TMEM182: variants seen among roughly 807,000 people sequenced by gnomAD.
The protein encoded by TMEM182 is transmembrane protein 182.
TMEM182 carries 20 observed loss-of-function variants against 26.8 expected under a neutral mutation model. The ratio of observed to expected loss-of-function variants is 0.75; its 90% CI spans 0.53 to 1.09. The LOEUF (loss-of-function observed/expected upper bound fraction) is 1.09. Among genes scored for constraint, TMEM182 ranks in the 50% least tolerant of loss-of-function variants. TMEM182 has a pLI of 0.00. For missense variants in TMEM182, 277 were observed against 275.5 expected (o/e 1.01, Z -0.04); for synonymous variants, 109 against 102.2 (o/e 1.07, Z -0.40).
intron 1 of TMEM182, among the ~76,000 whole-genome samples, chr2:102,743,929 A>G (rs768608760): frequency 6.6e-6 from 1 of 152,222 alleles, no homozygotes. Context: ...CTTATTGTGT[A>G]TGAACCTAAC....
At chr2:102,799,729 T>C (rs1682033483) in intron 4 of TMEM182, among the ~76,000 whole-genome samples, 2 of 152,174 alleles carry the variant, frequency 1.3e-5, no homozygotes, top group South Asian at 4.1e-4. Context: ...ACAAGGTAGG[T>C]CCGGTCAATT....
At chr2:102,773,187 G>A (rs1196937357) in intron 3 of TMEM182, among the ~76,000 whole-genome samples, 1 of 151,970 alleles carries the variant, frequency 6.6e-6, no homozygotes, top group Non-Finnish European at 1.5e-5. Flanking sequence ...TTTAGGTTCT[G>A]GGGAACAGTA....
At chr2:102,841,071 A>G (rs1181746263) in intron 3 of TMEM182, among the ~76,000 whole-genome samples, 4 of 152,094 alleles carry the variant, frequency 2.6e-5, no homozygotes, top group African/African-American at 9.7e-5. Context: ...TGGGGAAACA[A>G]ATAGTGGCAT....
intron 4 of TMEM182, among the ~76,000 whole-genome samples, chr2:102,812,000 A>G (rs1281441733): frequency 6.6e-6 from 1 of 152,214 alleles, no homozygotes; most frequent in Non-Finnish European, 1.5e-5. Flanking sequence ...ATATCTAGGT[A>G]TATATACACA....
chr2:102,839,446 G>GATAT (rs1683306160), intron 3 of TMEM182, among the ~76,000 whole-genome samples: 1 of 26,286 alleles, frequency 3.8e-5, no homozygotes, highest in Non-Finnish European at 8.3e-5. Context: ...GTGATGTTTT[G>GATAT]CTATATATAT....
chr2:102,812,389 A>ACAC (rs1465241432), intron 4 of TMEM182, among the ~76,000 whole-genome samples: 149 of 19,628 alleles, frequency 7.6e-3, no homozygotes, highest in African/African-American at 0.014. Context: ...ACATGTACAC[A>ACAC]CACACACACA....
At chr2:102,779,885 C>T (rs1194143474) in intron 3 of TMEM182, among the ~76,000 whole-genome samples, 2 of 151,970 alleles carry the variant, frequency 1.3e-5, no homozygotes, top group African/African-American at 4.8e-5. Flanking sequence ...TGCCTGTAAT[C>T]CCAGCTACTC....
chr2:102,829,964 T>G (rs2104774409), intron 3 of TMEM182, among the ~76,000 whole-genome samples: 1 of 152,314 alleles, frequency 6.6e-6, no homozygotes, highest in African/African-American at 2.4e-5. Context: ...ACTGTTCATA[T>G]TACCGGTAAG....
intron 4 of TMEM182, among the ~76,000 whole-genome samples, chr2:102,813,186 C>T (rs1002806698): frequency 2.0e-5 from 3 of 152,082 alleles, no homozygotes; most frequent in East Asian, 1.9e-4. Context: ...GTTTAAACTC[C>T]GATACTGACA....
chr2:102,762,035 C>T lies in TMEM182; in HGVS notation c.-183C>T, dbSNP rs1245709910. 3.5e-5 allele frequency: 18 copies of T among 512,534 alleles called. No individual in the cohort carries two copies. Among genetic ancestry groups the T allele is most frequent in the Non-Finnish European group, 1.4e-5 (4 of 290,384 alleles). 31.7% of individuals were successfully genotyped at this position (512,534 alleles called of 1,614,324 possible). ...AGGGGCGAGCAAAGGGAATATGAAT[C>T]TGCCGGTGGGGCGTGAGCGAGAAGC... On this transcript the variant is annotated 5_prime_UTR_variant, in exon 1 of 5. Transcript: ENST00000412401.
rs190287589 is a variant in TMEM182, at chr2:102,796,270, T to G, written c.332-1593T>G. On this transcript the variant is annotated intron_variant, in intron 3 of 4. Transcript: ENST00000412401. The stretch of plus-strand genomic sequence containing the variant: ...CTTGATCTCTGTTAAGACTTGACTT[T>G]CCTTCTCACTCCACTTGCTATTATT... Among the ~76,000 whole-genome samples the G allele has an allele frequency of 1.9e-3, 295 of 152,334 alleles. 2 individuals are homozygous for G. The highest frequency in any genetic ancestry group is 6.5e-3 in the Admixed American group (99 of 15,304).
At chr2:102,818,115 A>G (rs1682813938), downstream of TMEM182, among the ~76,000 whole-genome samples, 1 of 152,214 alleles carries the variant, frequency 6.6e-6, no homozygotes, top group African/African-American at 2.4e-5. Flanking sequence ...GTTACATTGA[A>G]GAAAATATAA....
At chr2:102,843,263 A>G (rs1346127017) in intron 3 of TMEM182, 1 of 152,202 alleles carries the variant, frequency 6.6e-6, no homozygotes, top group Non-Finnish European at 1.5e-5. Flanking sequence ...CTAGCAAATG[A>G]CAGAGCATAA....
At chr2:102,820,475 A>G (rs1242096723), downstream of TMEM182, among the ~76,000 whole-genome samples, 1 of 152,228 alleles carries the variant, frequency 6.6e-6, no homozygotes, top group African/African-American at 2.4e-5. Flanking sequence ...ATTGTGATAA[A>G]TCCTCTAGGG....
intron 3 of TMEM182, among the ~76,000 whole-genome samples, chr2:102,827,871 A>G (rs1249074693): frequency 6.6e-6 from 1 of 152,106 alleles, no homozygotes; most frequent in Non-Finnish European, 1.5e-5. Flanking sequence ...CTTTGGGATC[A>G]CCTGAGGTCA....
chr2:102,809,436 C>T (rs1377450038), intron 4 of TMEM182, among the ~76,000 whole-genome samples: 1 of 152,198 alleles, frequency 6.6e-6, no homozygotes, highest in Non-Finnish European at 1.5e-5. Context: ...CACACTTACC[C>T]AGGCCCCAGA....
intron 1 of TMEM182, among the ~76,000 whole-genome samples, chr2:102,749,916 A>T (rs866876740): frequency 6.6e-6 from 1 of 152,152 alleles, no homozygotes; most frequent in Admixed American, 6.5e-5. Context: ...AATGAAAAAC[A>T]TACTTCAAAA....
At chr2:102,794,100 T>C (rs1289296566) in intron 3 of TMEM182, among the ~76,000 whole-genome samples, 1 of 152,166 alleles carries the variant, frequency 6.6e-6, no homozygotes, top group East Asian at 1.9e-4. Flanking sequence ...AAATGCCTTT[T>C]ATTGGTTTCT....
At chr2:102,819,533 A>G (rs1300365753), downstream of TMEM182, among the ~76,000 whole-genome samples, 1 of 152,146 alleles carries the variant, frequency 6.6e-6, no homozygotes, top group African/African-American at 2.4e-5. Flanking sequence ...TGTGGTATGC[A>G]TGTATATGTA....
Sources: gnomAD v4.1 joint callset for allele counts (sites outside exome capture counted in the v4.1 genomes callset) on GRCh38, gnomAD v4.1.1 for gene constraint, MANE v1.5 for transcripts, NCBI Gene and HGNC (gene_info 2026-07-23, HGNC 2026-07-21) for gene names.